PRMT3: variants seen among roughly 807,000 people sequenced by gnomAD.
PRMT3 encodes the protein protein arginine N-methyltransferase 3.
In PRMT3, 62 loss-of-function variants were observed where a neutral mutation model predicts 71.9. The observed-to-expected ratio is 0.86, with a 90% CI of 0.70 to 1.07. The LOEUF is 1.07. Among genes scored for constraint, PRMT3 ranks in the 50% least tolerant of loss-of-function variants. The pLI is 0.00. For synonymous variants in PRMT3, 213 were observed against 220.4 expected (o/e 0.97, Z 0.30); for missense variants, 663 against 643.0 (o/e 1.03, Z -0.34).
intron 11 of PRMT3, among the ~76,000 whole-genome samples, chr11:20,452,771 C>T (rs190504161): frequency 6.6e-6 from 1 of 152,304 alleles, no homozygotes; most frequent in African/African-American, 2.4e-5. Context: ...CATATTAACT[C>T]TGCATACTCA....
At chr11:20,418,582 C>A (rs1194958008) in intron 9 of PRMT3, among the ~76,000 whole-genome samples, 1 of 152,102 alleles carries the variant, frequency 6.6e-6, no homozygotes, top group Admixed American at 6.5e-5. Flanking sequence ...GAACACAGAT[C>A]TTGTTTCGGC....
chr11:20,392,132 A>G, intron 3 of PRMT3, 79 bp from the exon 4 acceptor site: 1 of 1,350,890 alleles, frequency 7.4e-7, no homozygotes, highest in Non-Finnish European at 1.0e-6. Flanking sequence ...TTGTTTAATC[A>G]GAGAAGGCTT....
intron 13 of PRMT3, among the ~76,000 whole-genome samples, chr11:20,488,509 A>G (rs147308799): frequency 1.2e-4 from 18 of 152,170 alleles, no homozygotes; most frequent in African/African-American, 4.3e-4. Context: ...CAAGCACTCT[A>G]TCTCCATGCT....
At chr11:20,508,277 T>C (rs1181844238) in intron 15 of PRMT3, 27 bp from the exon 16 acceptor site, 2 of 1,410,642 alleles carry the variant, frequency 1.4e-6, no homozygotes, top group Non-Finnish European at 2.0e-6. Context: ...CCTTGAATTC[T>C]TAACAATTTT....
intron 15 of PRMT3, among the ~76,000 whole-genome samples, chr11:20,495,987 C>T (rs996198015): frequency 1.3e-5 from 2 of 152,192 alleles, no homozygotes; most frequent in Non-Finnish European, 2.9e-5. Context: ...CTTTTGCTGG[C>T]TTTTAATTAG....
intron 10 of PRMT3, among the ~76,000 whole-genome samples, chr11:20,432,578 G>A (rs11025561): frequency 0.047 from 7,145 of 152,046 alleles, 272 homozygotes; most frequent in East Asian, 0.2. Flanking sequence ...ATGTATACCC[G>A]GTAGTGTGAT....
intron 8 of PRMT3, chr11:20,405,490 A>G (rs932081381): frequency 1.1e-4 from 17 of 152,204 alleles, no homozygotes; most frequent in Admixed American, 4.6e-4. Flanking sequence ...AGGCTTTAGA[A>G]GAAGGTTAAC....
In PRMT3 at chr11:20,504,186, G is replaced by A. The variant is rs80247194; in HGVS notation, c.1487-4118G>A. Among the ~76,000 whole-genome samples the A allele has an allele frequency of 2.6e-3, 397 of 152,224 alleles. 1 individual carries two copies. The highest frequency in any genetic ancestry group is 9.4e-3 in the African/African-American group (391 of 41,552). On this transcript the variant is annotated intron_variant, in intron 15 of 15. Transcript: ENST00000331079. The stretch of plus-strand genomic sequence containing the variant: ...TCATCTAATTGAGTTAAATTTAAAA[G>A]TTAATAATAGTTCATCTTTTCCCAA...
intron 15 of PRMT3, among the ~76,000 whole-genome samples, chr11:20,505,333 A>G (rs550454960): frequency 2.0e-5 from 3 of 152,212 alleles, no homozygotes; most frequent in East Asian, 3.9e-4. Context: ...TCTGGAGGTC[A>G]TTTTGTTATT....
At chr11:20,475,299 G>A (rs558621561) in intron 13 of PRMT3, among the ~76,000 whole-genome samples, 4 of 152,242 alleles carry the variant, frequency 2.6e-5, no homozygotes, top group East Asian at 1.9e-4. Context: ...CTACAGTGCC[G>A]CTCCCAGTTG....
chr11:20,497,905 A>G lies in PRMT3; in HGVS notation c.1486+3651A>G, dbSNP rs117482636. Among the ~76,000 whole-genome samples the G allele has an allele frequency of 5.1e-3, 772 of 152,372 alleles. 3 individuals are homozygous for G. Among genetic ancestry groups the G allele is most frequent in the Non-Finnish European group, 7.2e-3 (489 of 68,040 alleles). On this transcript the variant is annotated intron_variant, in intron 15 of 15. Transcript: ENST00000331079. The stretch of plus-strand genomic sequence containing the variant: ...AAGGAAAACAAAATGGATACATTCA[A>G]CCAAACAATGGGTGCAGGAAAATGT...
intron 13 of PRMT3, among the ~76,000 whole-genome samples, chr11:20,491,375 A>G (rs1851202154): frequency 6.6e-6 from 1 of 152,104 alleles, no homozygotes; most frequent in African/African-American, 2.4e-5. Context: ...GATTCTTTGT[A>G]TGTTGAGTAA....
At chr11:20,504,707 T>TGAGAGAGAGAGAGAGAGAGAGA (rs57201745) in intron 15 of PRMT3, among the ~76,000 whole-genome samples, 6 of 133,646 alleles carry the variant, frequency 4.5e-5, no homozygotes, top group African/African-American at 1.5e-4. Context: ...TGTGTGTGTG[T>TGAGAGAGAGAGAGAGAGAGAGA]GAGAGAGAGA....
rs567388862 is a variant in PRMT3, at chr11:20,471,101, G to T, written c.1347+6555G>T. Among the ~76,000 whole-genome samples the T allele has an allele frequency of 2.6e-3, 399 of 151,618 alleles. 3 individuals carry two copies. The highest frequency in any genetic ancestry group is 0.017 in the Middle Eastern group (5 of 294). The stretch of plus-strand genomic sequence containing the variant: ...TTCTTGTAAATTTGCATTAGTTCTC[G>T]GTAGATTTTGAATATTAGACCTTTG... On this transcript the variant is annotated intron_variant, in intron 13 of 15. Transcript: ENST00000331079.
intron 12 of PRMT3, among the ~76,000 whole-genome samples, chr11:20,462,926 C>A (rs997525099): frequency 6.6e-6 from 1 of 151,646 alleles, no homozygotes; most frequent in African/African-American, 2.4e-5. Flanking sequence ...AGTGCAGTGG[C>A]GCAATCTCGG....
chr11:20,395,703 G>T, intron 5 of PRMT3, 100 bp from the exon 6 acceptor site: 2 of 1,139,446 alleles, frequency 1.8e-6, no homozygotes, highest in Non-Finnish European at 2.5e-6. Context: ...TTCTCAATTG[G>T]CCACATAGTA....
chr11:20,415,017 GGTGTGTGTGTGT>G (rs377570784), intron 9 of PRMT3, among the ~76,000 whole-genome samples: 47 of 135,428 alleles, frequency 3.5e-4, no homozygotes, highest in South Asian at 1.2e-3. Context: ...TGGTGGTAGT[GGTGTGTGTGTGT>G]GTGTGTGTGT....
chr11:20,410,046 TA>T (rs1484953991), intron 9 of PRMT3, among the ~76,000 whole-genome samples: 2 of 152,154 alleles, frequency 1.3e-5, no homozygotes, highest in Non-Finnish European at 2.9e-5. Flanking sequence ...GCTCTCATTT[TA>T]ATTTCTTAAC....
intron 8 of PRMT3, among the ~76,000 whole-genome samples, chr11:20,403,907 T>G (rs1473191485): frequency 6.6e-6 from 1 of 152,152 alleles, no homozygotes; most frequent in East Asian, 1.9e-4. Context: ...TTAAAAATCC[T>G]TTTTCCTGAT....
Sources: allele counts gnomAD v4.1 joint callset (sites outside exome capture counted in the v4.1 genomes callset), GRCh38; gene constraint gnomAD v4.1.1; transcripts MANE v1.5; gene names NCBI Gene and HGNC (gene_info 2026-07-23, HGNC 2026-07-21).